SLMAP: variants seen among roughly 807,000 people sequenced by gnomAD.
SLMAP encodes the protein sarcolemma associated protein.
SLMAP carries 44 observed loss-of-function variants against 128.8 expected under a neutral mutation model. That is an observed-to-expected ratio of 0.34 (90% CI 0.27 to 0.44). The LOEUF (loss-of-function observed/expected upper bound fraction) is 0.44. Ranked by LOEUF, SLMAP falls within the 20% of genes least tolerant of loss-of-function variation. The pLI, the probability that SLMAP is intolerant of heterozygous loss-of-function variation, is 1.00. For synonymous variants in SLMAP, 327 were observed against 348.8 expected (o/e 0.94, Z 0.70); for missense variants, 787 against 985.3 (o/e 0.80, Z 2.69).
chr3:57,924,730 C>T (rs1468693209), intron 23 of SLMAP, among the ~76,000 whole-genome samples: 5 of 151,728 alleles, frequency 3.3e-5, no homozygotes, highest in African/African-American at 9.7e-5. Flanking sequence ...TTAGGAAGCA[C>T]GCATTATCAC....
At chr3:57,789,718 A>G (rs1484681391) in intron 2 of SLMAP, among the ~76,000 whole-genome samples, 4 of 152,250 alleles carry the variant, frequency 2.6e-5, no homozygotes, top group Non-Finnish European at 5.9e-5. Flanking sequence ...GTAATTCAAC[A>G]CAAATTAGAA....
chr3:57,810,529 A>G (rs2090774022), intron 2 of SLMAP, among the ~76,000 whole-genome samples: 1 of 152,222 alleles, frequency 6.6e-6, no homozygotes, highest in Non-Finnish European at 1.5e-5. Flanking sequence ...AGCATTGCTC[A>G]TTTATTTGCT....
intron 14 of SLMAP, among the ~76,000 whole-genome samples, chr3:57,876,538 T>G (rs1344682765): frequency 2.6e-5 from 4 of 152,192 alleles, no homozygotes; most frequent in African/African-American, 7.2e-5. Context: ...TAAAAAAAGC[T>G]TCAGCAATAT....
chr3:57,905,410 T>C (rs972892585), intron 17 of SLMAP, among the ~76,000 whole-genome samples: 4 of 152,086 alleles, frequency 2.6e-5, no homozygotes, highest in Non-Finnish European at 5.9e-5. Context: ...GCCTCCCAAG[T>C]AGCTGGGACT....
chr3:57,793,896 TAAAA>T (rs76713113), intron 2 of SLMAP, among the ~76,000 whole-genome samples: 5 of 130,308 alleles, frequency 3.8e-5, no homozygotes, highest in Non-Finnish European at 8.3e-5. Context: ...CTATCTTTCT[TAAAA>T]AAAAAAAAAA....
At position 57,925,669 on chromosome 3, in the gene SLMAP, C is replaced by G. The variant is rs374911534; in HGVS notation, c.2446-176C>G. 1.6e-4 allele frequency among the ~76,000 whole-genome samples: 25 copies of G among 152,330 alleles called. No homozygotes were observed. In the South Asian group the frequency reaches 5.2e-3, roughly 32 times the overall value. ...TGATAGTTTCCCAACTTGCATACCA[C>G]AGTCTATCAGATTGTGTTAGATGTC... On this transcript the variant is annotated intron_variant, in intron 23 of 24. Coordinates refer to ENST00000671191, the MANE Select transcript of SLMAP (RefSeq NM_001377540.1).
intron 23 of SLMAP, among the ~76,000 whole-genome samples, chr3:57,924,772 T>C (rs2096972819): frequency 6.6e-6 from 1 of 151,822 alleles, no homozygotes; most frequent in East Asian, 1.9e-4. Context: ...GAAAGCAGTA[T>C]CATCTAATAA....
In SLMAP at chr3:57,912,721, A is replaced by G. The variant is rs202130040; in HGVS notation, c.2020+20A>G. On this transcript the variant is annotated intron_variant, in intron 20 of 24. Coordinates refer to ENST00000671191, the MANE Select transcript of SLMAP (RefSeq NM_001377540.1). ...TGCAAGGTGAATAAATGTATTTTAC[A>G]TAAAGCTGTTAACTTTTGACAATGA... is the stretch of plus-strand genomic sequence containing the variant. 1.5e-4 allele frequency: 235 copies of G among 1,569,264 alleles called. 1 individual carries two copies. The East Asian group carries it at 2.8e-3, about 19-fold the overall frequency.
chr3:57,780,536 CTT>C (rs2082825777), intron 2 of SLMAP, among the ~76,000 whole-genome samples: 1 of 152,062 alleles, frequency 6.6e-6, no homozygotes, highest in South Asian at 2.1e-4. Flanking sequence ...TGTTATTAAT[CTT>C]ATATATCTTG....
chr3:57,759,024 A>G (rs2078107539), intron 2 of SLMAP, among the ~76,000 whole-genome samples: 1 of 152,228 alleles, frequency 6.6e-6, no homozygotes, highest in Admixed American at 6.5e-5. Context: ...AAAGGAAGAG[A>G]AAAAAATGAT....
chr3:57,810,523 T>C (rs901252886), intron 2 of SLMAP, among the ~76,000 whole-genome samples: 1 of 152,234 alleles, frequency 6.6e-6, no homozygotes, highest in Non-Finnish European at 1.5e-5. Context: ...TCTATTAGCA[T>C]TGCTCATTTA....
At chr3:57,918,568 T>C (rs1188680867) in intron 22 of SLMAP, 2 of 152,196 alleles carry the variant, frequency 1.3e-5, no homozygotes, top group Non-Finnish European at 2.9e-5. Context: ...CACACTCCTT[T>C]GTAATGTGAA....
At chr3:57,843,782 T>TTTG (rs1274247418) in intron 4 of SLMAP, among the ~76,000 whole-genome samples, 7 of 137,448 alleles carry the variant, frequency 5.1e-5, no homozygotes, top group African/African-American at 1.9e-4. Flanking sequence ...TTTCTTTTTT[T>TTTG]TTTTTTTTTT....
chr3:57,853,121 A>G (rs1451721208), intron 6 of SLMAP, among the ~76,000 whole-genome samples: 1 of 152,206 alleles, frequency 6.6e-6, no homozygotes, highest in African/African-American at 2.4e-5. Flanking sequence ...TTCTAAAGAT[A>G]TGGTTGGTTG....
At chr3:57,886,825 A>G (rs2095902702) in intron 14 of SLMAP, among the ~76,000 whole-genome samples, 1 of 152,148 alleles carries the variant, frequency 6.6e-6, no homozygotes, top group Non-Finnish European at 1.5e-5. Flanking sequence ...TAAGCCAGAC[A>G]CAGAATGTCA....
At chr3:57,914,098 A>G (rs2096758635) in intron 21 of SLMAP, among the ~76,000 whole-genome samples, 1 of 152,240 alleles carries the variant, frequency 6.6e-6, no homozygotes, top group South Asian at 2.1e-4. Flanking sequence ...TCTAGTATCT[A>G]ATACTTGACA....
chr3:57,853,958 TA>T (rs1560252881), intron 6 of SLMAP, among the ~76,000 whole-genome samples: 4,451 of 51,732 alleles, frequency 0.086, 257 homozygotes, highest in Non-Finnish European at 0.12. Flanking sequence ...AAAAAAATTA[TA>T]TATATATATA....
intron 17 of SLMAP, among the ~76,000 whole-genome samples, chr3:57,904,842 G>C (rs921632544): frequency 6.6e-6 from 1 of 152,132 alleles, no homozygotes; most frequent in Non-Finnish European, 1.5e-5. Flanking sequence ...CAATTCATAG[G>C]GTAGTCCCAC....
intron 2 of SLMAP, among the ~76,000 whole-genome samples, chr3:57,768,262 A>G (rs1331052002): frequency 6.6e-6 from 1 of 152,202 alleles, no homozygotes; most frequent in Admixed American, 6.5e-5. Context: ...AAGCACATAG[A>G]AACTGTGTGT....
Sources: gnomAD v4.1 joint callset for allele counts (sites outside exome capture counted in the v4.1 genomes callset) on GRCh38, gnomAD v4.1.1 for gene constraint, MANE v1.5 for transcripts, NCBI Gene and HGNC (gene_info 2026-07-23, HGNC 2026-07-21) for gene names.